Variants in FER1L5 observed in about 807,000 individuals in gnomAD.
The protein encoded by FER1L5 is fer-1-like protein 5.
FER1L5 carries 187 observed loss-of-function variants against 279.9 expected under a neutral mutation model. That is an observed-to-expected ratio of 0.67 (90% CI 0.59 to 0.75). The LOEUF (loss-of-function observed/expected upper bound fraction) is 0.75. FER1L5 is among the 30% of genes least tolerant of loss of function. The pLI is 0.00. For synonymous variants in FER1L5, 921 were observed against 989.7 expected (o/e 0.93, Z 1.30); for missense variants, 2,091 against 2,594.4 (o/e 0.81, Z 4.21).
At chr2:96,679,469 G>A (rs1256774051) in intron 19 of FER1L5, among the ~76,000 whole-genome samples, 3 of 151,948 alleles carry the variant, frequency 2.0e-5, no homozygotes, top group South Asian at 2.1e-4. Flanking sequence ...TGATCCACCC[G>A]CTTCAGCCTC....
At chr2:96,655,601 A>C (rs1195392658) in intron 9 of FER1L5, among the ~76,000 whole-genome samples, 1 of 152,220 alleles carries the variant, frequency 6.6e-6, no homozygotes, top group Non-Finnish European at 1.5e-5. Flanking sequence ...GTTAGATGGT[A>C]GGAGGTGAAA....
rs762528732 is a variant in FER1L5, at chr2:96,673,208, C to T, written c.1623C>T (p.Tyr541=). 12 of 1,551,432 alleles carry T rather than the reference C, an allele frequency of 7.7e-6. No individual in the cohort carries two copies. The highest frequency in any genetic ancestry group is 2.7e-5 in the African/African-American group (2 of 73,004). Residue 541 remains tyrosine, a synonymous_variant, in exon 19 of 53, where the codon TAC becomes TAT. Coordinates refer to ENST00000624922, the MANE Select transcript of FER1L5 (RefSeq NM_001293083.2). ...ATGGGAACAAGATGGACCTGAATTA[C>T]AAGCCTCTAGTCTCAAGCACACCGT... The part of the protein sequence containing the change: ...GHYGNKMDLN[Y]KPLVSSTPYS...
At chr2:96,657,699 A>G (rs1244819970) in intron 9 of FER1L5, among the ~76,000 whole-genome samples, 1 of 152,186 alleles carries the variant, frequency 6.6e-6, no homozygotes, top group African/African-American at 2.4e-5. Flanking sequence ...CAATAGAATC[A>G]TACATTCTCT....
In FER1L5 at chr2:96,697,673, A is replaced by C; in HGVS notation, c.4148A>C (p.His1383Pro). The C allele has an allele frequency of 3.1e-6, 5 of 1,614,072 alleles. No homozygotes were observed. The highest frequency in any genetic ancestry group is 3.4e-6 in the Non-Finnish European group (4 of 1,179,902). ...CTTCTCTGCCAGGATGAGTATGAGC[A>C]TGAGGTGGACTGGTGGAGCAAGCTG... ...KSSKAEDEYE[H>P]EVDWWSKLFW... Residue 1383 changes from histidine to proline, a missense_variant, in exon 39 of 53, where the codon CAT (histidine) becomes CCT (proline). Physicochemically the swap from His to Pro is moderately conservative, Grantham distance 77. Transcript: ENST00000624922.
intron 21 of FER1L5, 58 bp from the exon 22 acceptor site, chr2:96,685,882 T>C: frequency 6.8e-7 from 1 of 1,464,314 alleles, no homozygotes; most frequent in South Asian, 1.4e-5. Flanking sequence ...AGGGCAGGAA[T>C]GGTGACACTG....
At chr2:96,669,414 G>A (rs977969039) in intron 17 of FER1L5, among the ~76,000 whole-genome samples, 2 of 152,210 alleles carry the variant, frequency 1.3e-5, no homozygotes, top group Non-Finnish European at 1.5e-5. Flanking sequence ...CGCGAAGGAC[G>A]GAGGACACAG....
At chr2:96,659,440 T>TCTTC (rs2075828881) in intron 9 of FER1L5, among the ~76,000 whole-genome samples, 1 of 27,086 alleles carries the variant, frequency 3.7e-5, no homozygotes, top group Non-Finnish European at 6.3e-5. Flanking sequence ...TTTCTTTCTT[T>TCTTC]CTTTCTTTCT....
rs200374054 is a variant in FER1L5 at position 96,696,036 on chromosome 2, C to A, written c.4058-16C>A. 1 of 1,613,832 alleles carries A rather than the reference C, an allele frequency of 6.2e-7. No individual in the cohort carries two copies. The highest frequency in any genetic ancestry group is 8.5e-7 in the Non-Finnish European group (1 of 1,179,878). ...CTCCCCATCCTGAGACTCGTCCCTG[C>A]GCTCTCCCCGCACAGCGCTGTCTGA... On this transcript the variant is annotated splice_polypyrimidine_tract_variant and intron_variant, in intron 36 of 52. Transcript: ENST00000624922.
At chr2:96,684,095 C>G (rs560455947) in intron 19 of FER1L5, among the ~76,000 whole-genome samples, 1 of 152,322 alleles carries the variant, frequency 6.6e-6, no homozygotes, top group Non-Finnish European at 1.5e-5. Flanking sequence ...CCACTGGAAA[C>G]TGGGGACTCT....
In FER1L5 at chr2:96,701,867, C is replaced by T. The variant is rs990124308; in HGVS notation, c.5071-88C>T. ...GTGTTGGGAACACAACCTCAACAGA[C>T]CTCAGAACCTGGGACAGGGAACCCC... On this transcript the variant is annotated intron_variant, in intron 45 of 52. Transcript: ENST00000624922. 7.7e-6 allele frequency: 10 copies of T among 1,306,338 alleles called. No homozygotes were observed. In the African/African-American group the frequency reaches 1.5e-4, roughly 19 times the overall value. 80.9% of individuals were successfully genotyped at this position (1,306,338 alleles called of 1,614,324 possible).
chr2:96,642,920 A>G lies in FER1L5; in HGVS notation c.84A>G (p.Arg28=). Residue 28 remains arginine, a splice_region_variant and synonymous_variant, in exon 1 of 53, where the codon AGA becomes AGG. Transcript: ENST00000624922. ...GGCCCTGCATGTCCATCGACTTCAG[A>G]GGTGAGAGCCTCCCTGGGTCCACAT... ...LPRPCMSIDF[R]DIKKRTRVVE... 1 of 1,550,290 alleles carries G rather than the reference A, an allele frequency of 6.5e-7. No individual in the cohort carries two copies. Among genetic ancestry groups the G allele is most frequent in the Non-Finnish European group, 8.7e-7 (1 of 1,146,284 alleles).
intron 36 of FER1L5, 30 bp downstream of exon 36, chr2:96,695,934 G>A: frequency 6.2e-7 from 1 of 1,610,996 alleles, no homozygotes; most frequent in East Asian, 2.2e-5. Flanking sequence ...CCTTTCCCCA[G>A]GCCTCACAAG....
At position 96,691,251 on chromosome 2, in the gene FER1L5, G is replaced by A. The variant is rs1371490357; in HGVS notation, c.2805G>A (p.Glu935=). The stretch of plus-strand genomic sequence containing the variant: ...TGCCCCAGGTCTGGAGCCCGGTGGA[G>A]AAGACCTACCACTCGTGCCGCCGCC... ...SGLPQVWSPV[E]KTYHSCRRRR... Residue 935 remains glutamate, a synonymous_variant, in exon 28 of 53, where the codon GAG becomes GAA. Transcript: ENST00000624922. This position sits in a 1 kb window ranked among gnomAD's most constrained non-coding sequence, Gnocchi z 6.0. 6.4e-7 allele frequency: 1 copy of A among 1,550,470 alleles called. No individual in the cohort carries two copies. The highest frequency in any genetic ancestry group is 8.7e-7 in the Non-Finnish European group (1 of 1,146,900).
intron 11 of FER1L5, 106 bp downstream of exon 11, chr2:96,661,546 G>A (rs2075954378): frequency 6.6e-7 from 1 of 1,509,184 alleles, no homozygotes; most frequent in East Asian, 2.5e-5. Context: ...TTTGTCCGCT[G>A]CGTCACTGCA....
In FER1L5 at chr2:96,684,440, C is replaced by G. The variant is rs1265389143; in HGVS notation, c.1783C>G (p.Arg595Gly). Residue 595 changes from arginine (R) to glycine (G), a missense_variant, in exon 20 of 53, where the codon CGG becomes GGG. By Grantham distance (125) the Arg-to-Gly change is moderately radical (BLOSUM62 -2). Coordinates refer to ENST00000624922, the MANE Select transcript of FER1L5 (RefSeq NM_001293083.2). ...MNCLNLLHFT[R>G]DRLKANLDTL... The stretch of plus-strand genomic sequence containing the variant: ...CTGCCTCAACCTCCTCCACTTCACT[C>G]GGGACCGCCTGGTGAGTGGTGCGGG... 1.3e-6 allele frequency: 2 copies of G among 1,551,444 alleles called. No individual in the cohort carries two copies.
At chr2:96,686,795 T>A (rs1488260629) in intron 23 of FER1L5, among the ~76,000 whole-genome samples, 3 of 147,904 alleles carry the variant, frequency 2.0e-5, no homozygotes, top group African/African-American at 7.6e-5. Flanking sequence ...GAGACGGAGG[T>A]TGCAGTGAGC....
Position 96,703,548 on chromosome 2 carries a change from T to C in FER1L5, c.5717T>C (p.Ile1906Thr). Residue 1906 changes from isoleucine (I) to threonine (T), a missense_variant, in exon 51 of 53, where the codon ATT becomes ACT. Transcript: ENST00000624922. ...LSGKVKMSLE[I>T]LSEKEALIKP... Reference sequence around the variant, plus strand: ...GGCAAGGTGAAGATGAGCCTGGAGATTCTGTCAGAGAAGGAAGCCTTAATC... The same window carrying C: ...GGCAAGGTGAAGATGAGCCTGGAGACTCTGTCAGAGAAGGAAGCCTTAATC... 6.2e-7 allele frequency: 1 copy of C among 1,613,966 alleles called. No homozygotes were observed. Among genetic ancestry groups the C allele is most frequent in the Non-Finnish European group, 8.5e-7 (1 of 1,179,872 alleles).
rs527764212 is a variant in FER1L5 at position 96,658,933 on chromosome 2, GTTTTGT to G, written c.748-1385_748-1380del. 3.2e-3 allele frequency among the ~76,000 whole-genome samples: 479 copies of G among 151,944 alleles called. 3 individuals carry two copies. Among genetic ancestry groups the G allele is most frequent in the African/African-American group, 0.011 (448 of 41,480 alleles). ...GAGGATGACAGCCCATTCATTTTCT[GTTTTGT>G]TTTTGTTTTTGTTTTTGTTTTTTTG... is the stretch of plus-strand genomic sequence containing the variant. On this transcript the variant is annotated intron_variant, in intron 9 of 52. Transcript: ENST00000624922.
intron 13 of FER1L5, among the ~76,000 whole-genome samples, chr2:96,663,018 C>T (rs1056325755): frequency 1.6e-4 from 25 of 152,344 alleles, no homozygotes; most frequent in African/African-American, 5.8e-4. Context: ...CTTGATTCCA[C>T]AGATACCACT....
Sources: allele counts gnomAD v4.1 joint callset (sites outside exome capture counted in the v4.1 genomes callset), GRCh38; gene constraint gnomAD v4.1.1; non-coding constraint Gnocchi (gnomAD v3.1); transcripts MANE v1.5; gene names NCBI Gene and HGNC (gene_info 2026-07-23, HGNC 2026-07-21).